Variants in ITPRID1 observed in about 807,000 individuals in gnomAD.
ITPRID1 encodes ITPR interacting domain containing 1, also known as protein ITPRID1.
In ITPRID1, 96 loss-of-function variants were observed where a neutral mutation model predicts 95.4. The observed-to-expected ratio is 1.01, with a 90% CI of 0.85 to 1.19. ITPRID1 has a LOEUF of 1.19. Among genes scored for constraint, ITPRID1 ranks in the 50% most tolerant of loss-of-function variants. The pLI, the probability that ITPRID1 is intolerant of heterozygous loss-of-function variation, is 0.00. For missense variants in ITPRID1, 1,339 were observed against 1,252.9 expected (o/e 1.07, Z -1.04); for synonymous variants, 510 against 453.6 (o/e 1.12, Z -1.58).
intron 10 of ITPRID1, among the ~76,000 whole-genome samples, chr7:31,598,386 C>CTTTTT (rs70986632): frequency 5.6e-5 from 7 of 125,782 alleles, no homozygotes; most frequent in Non-Finnish European, 8.2e-5. Context: ...TAGCGAATTT[C>CTTTTT]TTTTTTTTTT....
At chr7:31,590,286 A>C (rs114718914) in intron 10 of ITPRID1, among the ~76,000 whole-genome samples, 377 of 152,300 alleles carry the variant, frequency 2.5e-3, no homozygotes, top group African/African-American at 8.7e-3. Context: ...TTAGTAAGAG[A>C]CAGACTGGTA....
intron 1 of ITPRID1, among the ~76,000 whole-genome samples, chr7:31,540,380 G>A (rs893344672): frequency 2.0e-5 from 3 of 152,150 alleles, no homozygotes; most frequent in Non-Finnish European, 4.4e-5. Flanking sequence ...TCAGTTCATA[G>A]GGCTTCAGGA....
intron 10 of ITPRID1, among the ~76,000 whole-genome samples, chr7:31,614,418 TAGTA>T (rs1167968187): frequency 1.3e-5 from 2 of 152,182 alleles, no homozygotes; most frequent in Non-Finnish European, 2.9e-5. Context: ...ACACTTATTC[TAGTA>T]ATTAAACAAA....
chr7:31,557,999 G>A (rs1328817885), intron 5 of ITPRID1, among the ~76,000 whole-genome samples: 1 of 152,160 alleles, frequency 6.6e-6, no homozygotes, highest in Non-Finnish European at 1.5e-5. Flanking sequence ...TAGGTAATTA[G>A]GTCTTGAGGA....
At chr7:31,648,957 C>T (rs764992097) in intron 12 of ITPRID1, among the ~76,000 whole-genome samples, 13 of 152,178 alleles carry the variant, frequency 8.5e-5, no homozygotes, top group Non-Finnish European at 1.3e-4. Flanking sequence ...AACAGATGCC[C>T]TTCATGGTCT....
At chr7:31,612,685 T>C (rs1049105822) in intron 10 of ITPRID1, among the ~76,000 whole-genome samples, 1 of 152,150 alleles carries the variant, frequency 6.6e-6, no homozygotes, top group Non-Finnish European at 1.5e-5. Flanking sequence ...TCTGTGTTTT[T>C]GTTGGAGCAT....
intron 1 of ITPRID1, among the ~76,000 whole-genome samples, chr7:31,528,127 T>C (rs1783481043): frequency 6.6e-6 from 1 of 152,208 alleles, no homozygotes; most frequent in Middle Eastern, 3.2e-3. Flanking sequence ...AACTGTGTTT[T>C]GATAGGGTCC....
At chr7:31,533,260 T>A (rs998925711) in intron 1 of ITPRID1, among the ~76,000 whole-genome samples, 1 of 152,134 alleles carries the variant, frequency 6.6e-6, no homozygotes, top group African/African-American at 2.4e-5. Context: ...CCAAAAAAAA[T>A]TGTCAGTTTA....
At chr7:31,586,060 G>A (rs948564654) in intron 10 of ITPRID1, among the ~76,000 whole-genome samples, 4 of 143,620 alleles carry the variant, frequency 2.8e-5, no homozygotes, top group African/African-American at 5.3e-5. Context: ...TCATTGTTCA[G>A]TTCCCACCTA....
At chr7:31,518,960 G>A (rs1481262455) in intron 1 of ITPRID1, among the ~76,000 whole-genome samples, 2 of 152,154 alleles carry the variant, frequency 1.3e-5, no homozygotes, top group Non-Finnish European at 2.9e-5. Flanking sequence ...TTCCTATTTT[G>A]TGACGTTTTC....
chr7:31,551,613 G>A (rs1160421369), intron 2 of ITPRID1, among the ~76,000 whole-genome samples: 1 of 143,176 alleles, frequency 7.0e-6, no homozygotes, highest in Non-Finnish European at 1.6e-5. Flanking sequence ...ATTTAAAATT[G>A]CAACAATAAA....
At chr7:31,630,516 A>G (rs1428164152) in intron 10 of ITPRID1, among the ~76,000 whole-genome samples, 1 of 152,146 alleles carries the variant, frequency 6.6e-6, no homozygotes, top group African/African-American at 2.4e-5. Flanking sequence ...TGTTGAACTA[A>G]TAAAGATTCT....
downstream of ITPRID1, among the ~76,000 whole-genome samples, chr7:31,657,468 C>T (rs553065530): frequency 1.4e-4 from 21 of 152,306 alleles, no homozygotes; most frequent in Admixed American, 2.6e-4. Context: ...TTGCATCTGA[C>T]GCTTGTAGTC....
chr7:31,655,965 T>C lies in ITPRID1; in HGVS notation c.*3136T>C, dbSNP rs745651039. On this transcript the variant is annotated 3_prime_UTR_variant, in exon 15 of 15. Transcript: ENST00000615280. The stretch of plus-strand genomic sequence containing the variant: ...CTCATCCCTCAGATGAATCTCCAAT[T>C]CTATTCCCCTAAACCACCTCCTGTG... 39 of 985,286 alleles carry C rather than the reference T, an allele frequency of 4.0e-5. No individual in the cohort carries two copies. The highest frequency in any genetic ancestry group is 4.7e-5 in the Non-Finnish European group (39 of 829,934). 61.0% of individuals were successfully genotyped at this position (985,286 alleles called of 1,614,324 possible). A position where few individuals can be genotyped will look rare whatever the true frequency, so the allele number is the denominator to read the frequency against.
At chr7:31,629,989 AACAC>A (rs537026132) in intron 10 of ITPRID1, among the ~76,000 whole-genome samples, 4 of 152,182 alleles carry the variant, frequency 2.6e-5, no homozygotes, top group African/African-American at 4.8e-5. Flanking sequence ...AAAGAGAAGA[AACAC>A]ACACACACAA....
chr7:31,578,051 CAG>C lies in ITPRID1; in HGVS notation c.789_790del (p.Asn264HisfsTer6). 2 of 1,613,874 alleles carry C rather than the reference CAG, an allele frequency of 1.2e-6. No homozygotes were observed. Among genetic ancestry groups the C allele is most frequent in the Non-Finnish European group, 1.7e-6 (2 of 1,179,870 alleles). ...MGKLLRRASK[Q>X]NIRRDCNPEV... is the part of the protein sequence containing the mutation. ...TAAACTCTTAAGGAGAGCTTCCAAA[CAG>C]AACATCAGGCGGGATTGTAACCCAG... On this transcript the variant is annotated frameshift_variant, in exon 9 of 15. Transcript: ENST00000615280. LOFTEE classifies it high-confidence loss of function.
chr7:31,618,708 G>A (rs1223332017), intron 10 of ITPRID1, among the ~76,000 whole-genome samples: 1 of 152,172 alleles, frequency 6.6e-6, no homozygotes, highest in African/African-American at 2.4e-5. Context: ...GCTTATGAGT[G>A]AGGAAACCAA....
In ITPRID1 at chr7:31,553,023, C is replaced by T. The variant is rs1784333067; in HGVS notation, c.-2C>T. ...TAAGTTAGTTTGCAGAATTACTCTC[C>T]TATGATGGCACAGAAATCACAAGGA... is the stretch of plus-strand genomic sequence containing the variant. On this transcript the variant is annotated 5_prime_UTR_variant, in exon 3 of 15. Transcript: ENST00000615280. 1 of 1,608,038 alleles carries T rather than the reference C, an allele frequency of 6.2e-7. No individual in the cohort carries two copies. The highest frequency in any genetic ancestry group is 1.3e-5 in the African/African-American group (1 of 74,824).
intron 5 of ITPRID1, chr7:31,555,305 TAATG>T (rs1481864215): frequency 1.3e-5 from 2 of 156,266 alleles, no homozygotes; most frequent in Admixed American, 6.3e-5. Flanking sequence ...CTCTTTCTAA[TAATG>T]CACTTGTTCT....
Sources: allele counts gnomAD v4.1 joint callset (sites outside exome capture counted in the v4.1 genomes callset), GRCh38; gene constraint gnomAD v4.1.1; transcripts MANE v1.5; gene names NCBI Gene and HGNC (gene_info 2026-07-23, HGNC 2026-07-21).